TSGA10: variants seen among roughly 807,000 people sequenced by gnomAD.
TSGA10 encodes testis-specific gene 10 protein.
A neutral mutation model predicts 96.6 loss-of-function variants in TSGA10; 43 were observed. The observed-to-expected ratio is 0.44, with a 90% CI of 0.35 to 0.57. TSGA10 has a LOEUF of 0.57. TSGA10 is among the 20% of genes least tolerant of loss of function. The probability of loss-of-function intolerance (pLI) is 0.01; values close to 1 mark genes in which losing one functional copy is unlikely to be tolerated. For synonymous variants in TSGA10, 229 were observed against 269.9 expected (o/e 0.85, Z 1.48); for missense variants, 703 against 834.4 (o/e 0.84, Z 1.94).
At chr2:99,103,840 A>T in intron 10 of TSGA10, 127 bp downstream of exon 10, 1 of 1,156,130 alleles carries the variant, frequency 8.6e-7, no homozygotes. Flanking sequence ...AAGGGTTCCT[A>T]CAACTGCTTT....
chr2:99,066,976 G>A (rs1465331494), intron 15 of TSGA10, among the ~76,000 whole-genome samples: 1 of 152,010 alleles, frequency 6.6e-6, no homozygotes, highest in African/African-American at 2.4e-5. Context: ...TATTCTTGAC[G>A]TTTCCAAAAT....
chr2:99,026,073 G>A (rs1022189062), intron 17 of TSGA10, among the ~76,000 whole-genome samples: 3 of 152,190 alleles, frequency 2.0e-5, no homozygotes, highest in Admixed American at 6.5e-5. Context: ...TTTTGGAAGA[G>A]TGTTTTATAA....
At position 99,117,538 on chromosome 2, in the gene TSGA10, T is replaced by C; in HGVS notation, c.-140+6A>G. On this transcript the variant is annotated splice_donor_region_variant and intron_variant, in intron 4 of 20. Coordinates refer to ENST00000393483, the MANE Select transcript of TSGA10 (RefSeq NM_025244.4). ...TTAAAATCCTTATCCGTGGTAAATC[T>C]GGTACCTTGGCTTCTTCAAGTTCCT... 1.0e-6 allele frequency: 1 copy of C among 985,440 alleles called. No individual in the cohort carries two copies. The highest frequency in any genetic ancestry group is 1.2e-6 in the Non-Finnish European group (1 of 829,486). The allele number at this position is 985,440 out of a possible 1,614,324, so 61.0% of individuals were successfully genotyped here.
chr2:99,112,380 C>T (rs1574460100), intron 4 of TSGA10, among the ~76,000 whole-genome samples: 1 of 152,094 alleles, frequency 6.6e-6, no homozygotes, highest in African/African-American at 2.4e-5. Flanking sequence ...ACAAGAGAGA[C>T]AAAGATTTCT....
chr2:99,040,963 A>G (rs929313870), intron 16 of TSGA10, among the ~76,000 whole-genome samples: 17 of 152,250 alleles, frequency 1.1e-4, no homozygotes, highest in Non-Finnish European at 2.2e-4. Context: ...TGGCTTACTC[A>G]GGCATGTCTG....
chr2:99,153,821 C>T (rs2093719109), intron 1 of TSGA10, among the ~76,000 whole-genome samples: 1 of 152,156 alleles, frequency 6.6e-6, no homozygotes, highest in Non-Finnish European at 1.5e-5. Context: ...TTATATGAAG[C>T]CCTGGTCATT....
chr2:99,033,714 C>T (rs2081346707), intron 17 of TSGA10, among the ~76,000 whole-genome samples: 1 of 152,006 alleles, frequency 6.6e-6, no homozygotes, highest in Non-Finnish European at 1.5e-5. Flanking sequence ...GTGGTGGGCA[C>T]CTGTAATCCC....
intron 1 of TSGA10, among the ~76,000 whole-genome samples, chr2:99,140,886 G>A (rs986442458): frequency 6.6e-6 from 1 of 152,080 alleles, no homozygotes; most frequent in Non-Finnish European, 1.5e-5. Context: ...AAGAAACAGG[G>A]GCAACTCGTG....
At chr2:99,039,815 A>C (rs946264890) in intron 16 of TSGA10, among the ~76,000 whole-genome samples, 1 of 152,104 alleles carries the variant, frequency 6.6e-6, no homozygotes, top group African/African-American at 2.4e-5. Context: ...AGGACATAAC[A>C]AAAAAAGAAA....
In TSGA10 at chr2:99,108,985, T is replaced by C. The variant is rs956185036; in HGVS notation, c.58A>G (p.Asn20Asp). The change falls in exon 7 of 21, where the codon AAC becomes GAC. Residue 20 changes from asparagine to aspartate, a missense_variant. Transcript: ENST00000393483. ...GTCTTCAAAAGTTCTACATCACAGT[T>C]TGCACCCTATAATTATATAAGGAAT... ...RRPSPTARGA[N>D]CDVELLKTTT... 2 of 1,564,876 alleles carry C rather than the reference T, an allele frequency of 1.3e-6. No homozygotes were observed. Among genetic ancestry groups the C allele is most frequent in the African/African-American group, 2.8e-5 (2 of 71,074 alleles).
chr2:99,062,350 C>G (rs2084795037), intron 16 of TSGA10, among the ~76,000 whole-genome samples: 1 of 152,108 alleles, frequency 6.6e-6, no homozygotes, highest in Non-Finnish European at 1.5e-5. Context: ...TTTATCTGAT[C>G]ACAATATTAG....
intron 10 of TSGA10, among the ~76,000 whole-genome samples, chr2:99,093,114 A>G: frequency 6.6e-6 from 1 of 152,190 alleles, no homozygotes; most frequent in East Asian, 1.9e-4. Context: ...AAGTCAATAA[A>G]TGTGACAGAC....
chr2:99,014,353 TATC>T (rs977660544), intron 20 of TSGA10, among the ~76,000 whole-genome samples: 25 of 151,836 alleles, frequency 1.6e-4, no homozygotes, highest in Non-Finnish European at 3.1e-4. Flanking sequence ...TAATAATAAT[TATC>T]ATCATCATCA....
chr2:99,114,269 C>T (rs2092061120), intron 4 of TSGA10, among the ~76,000 whole-genome samples: 1 of 152,302 alleles, frequency 6.6e-6, no homozygotes, highest in Admixed American at 6.5e-5. Flanking sequence ...ATCTCTCCCA[C>T]ATAAATATAA....
chr2:99,073,163 C>CT, intron 12 of TSGA10, 90 bp from the exon 13 acceptor site: 1 of 834,354 alleles, frequency 1.2e-6, no homozygotes. Flanking sequence ...TTCCCTTTCC[C>CT]TTTAGGTTTC....
At chr2:99,082,115 G>T (rs1255329497) in intron 10 of TSGA10, among the ~76,000 whole-genome samples, 1 of 152,218 alleles carries the variant, frequency 6.6e-6, no homozygotes, top group Non-Finnish European at 1.5e-5. Flanking sequence ...GCATTTCAAA[G>T]GAGCCAAATT....
chr2:99,069,325 C>T (rs1035480782), intron 14 of TSGA10, among the ~76,000 whole-genome samples: 1 of 152,028 alleles, frequency 6.6e-6, no homozygotes, highest in Non-Finnish European at 1.5e-5. Flanking sequence ...AAAGAATGGG[C>T]ATTTCCATGT....
chr2:99,149,136 C>T (rs1198092203), intron 1 of TSGA10, among the ~76,000 whole-genome samples: 3 of 149,722 alleles, frequency 2.0e-5, no homozygotes, highest in Non-Finnish European at 4.4e-5. Context: ...CACCACTTCA[C>T]TCCAGCCTGG....
chr2:99,147,993 T>C (rs952722827), intron 1 of TSGA10, among the ~76,000 whole-genome samples: 1 of 152,214 alleles, frequency 6.6e-6, no homozygotes, highest in African/African-American at 2.4e-5. Context: ...AATGTTTCAG[T>C]TATCTAAGTA....
Sources: gnomAD v4.1 joint callset for allele counts (sites outside exome capture counted in the v4.1 genomes callset) on GRCh38, gnomAD v4.1.1 for gene constraint, MANE v1.5 for transcripts, NCBI Gene and HGNC (gene_info 2026-07-23, HGNC 2026-07-21) for gene names.